Variants in UBE2Z observed in about 807,000 individuals in gnomAD.
The protein encoded by UBE2Z is ubiquitin-conjugating enzyme E2 Z.
In UBE2Z, 10 loss-of-function variants were observed where a neutral mutation model predicts 32.6. The ratio of observed to expected loss-of-function variants is 0.31; its 90% CI spans 0.19 to 0.52. The LOEUF is 0.52. UBE2Z is among the 20% of genes least tolerant of loss of function. The pLI is 0.97. For synonymous variants in UBE2Z, 183 were observed against 190.8 expected (o/e 0.96, Z 0.34); for missense variants, 343 against 480.9 (o/e 0.71, Z 2.68).
chr17:48,916,371 G>C (rs1420799400), intron 4 of UBE2Z, among the ~76,000 whole-genome samples, 184 bp downstream of exon 4: 2 of 148,202 alleles, frequency 1.3e-5, no homozygotes, highest in Non-Finnish European at 3.0e-5. Context: ...TTCTGTCTCA[G>C]CCTCCCAAGT....
chr17:48,926,329 A>T (rs1476197113), intron 6 of UBE2Z, among the ~76,000 whole-genome samples: 1 of 152,202 alleles, frequency 6.6e-6, no homozygotes, highest in Non-Finnish European at 1.5e-5. Context: ...GGCATACTTA[A>T]CAATTATAAT....
rs1235297131 is a variant in UBE2Z, at chr17:48,908,830, G to C, written c.317+10G>C. On this transcript the variant is annotated intron_variant, in intron 1 of 6. Coordinates refer to ENST00000360943, the MANE Select transcript of UBE2Z (RefSeq NM_023079.5). ...TACTCCGGATCAAGCGGTGAGCCGG[G>C]GTTTTTCCTCCCCCAGCCCCGAGCT... is the stretch of plus-strand genomic sequence containing the variant. 4.0e-6 allele frequency: 6 copies of C among 1,488,656 alleles called. No individual in the cohort carries two copies. Among genetic ancestry groups the C allele is most frequent in the Non-Finnish European group, 5.3e-6 (6 of 1,123,482 alleles). 92.2% of individuals were successfully genotyped at this position (1,488,656 alleles called of 1,614,324 possible).
intron 1 of UBE2Z, 60 bp downstream of exon 1, chr17:48,908,880 C>T (rs1267706907): frequency 9.2e-7 from 1 of 1,091,050 alleles, no homozygotes. Flanking sequence ...TCCCCGCCCC[C>T]CACCCTCTCC....
intron 5 of UBE2Z, 82 bp from the exon 6 acceptor site, chr17:48,922,765 T>TG: frequency 9.3e-7 from 1 of 1,080,306 alleles, no homozygotes; most frequent in Non-Finnish European, 1.3e-6. Context: ...AGACTCCATC[T>TG]GAAAAAAAAA....
rs772564703 is a variant in UBE2Z, at chr17:48,922,994, C to T, written c.894+57C>T. 3.4e-6 allele frequency: 5 copies of T among 1,490,020 alleles called. No individual in the cohort carries two copies. The East Asian group carries it at 9.5e-5, about 28-fold the overall frequency. The allele number at this position is 1,490,020 out of a possible 1,614,324, so 92.3% of individuals were successfully genotyped here. ...CCCTACAGCTGGCCATGTAAAAGCC[C>T]CCCACAAGCGTGGCATCGACAGCTG... On this transcript the variant is annotated intron_variant, in intron 6 of 6. Transcript: ENST00000360943.
intron 3 of UBE2Z, among the ~76,000 whole-genome samples, chr17:48,913,379 G>A (rs1238472880): frequency 6.6e-5 from 10 of 152,052 alleles, no homozygotes; most frequent in Admixed American, 5.2e-4. Context: ...GTTTTGAGAC[G>A]GAGTCTTGCT....
At chr17:48,915,912 GA>G (rs2040716079) in intron 3 of UBE2Z, 163 bp from the exon 4 acceptor site, 1 of 446,838 alleles carries the variant, frequency 2.2e-6, no homozygotes, top group Non-Finnish European at 3.9e-6. Flanking sequence ...GATTTCTGGT[GA>G]AATCAGAACA....
chr17:48,917,284 G>A lies in UBE2Z; in HGVS notation c.690+1097G>A, dbSNP rs1343898482. ...TGGGCCATTGCATTCCAGCCTGAGC[G>A]ACAGAGCGAGACACCGTCTTAAAAA... On this transcript the variant is annotated intron_variant, in intron 4 of 6. Coordinates refer to ENST00000360943, the MANE Select transcript of UBE2Z (RefSeq NM_023079.5). 4.6e-5 allele frequency among the ~76,000 whole-genome samples: 7 copies of A among 152,200 alleles called. No individual in the cohort carries two copies. In the South Asian group the frequency reaches 6.2e-4, roughly 14 times the overall value.
At chr17:48,912,105 G>T (rs1020124020) in intron 2 of UBE2Z, 20 of 148,552 alleles carry the variant, frequency 1.3e-4, no homozygotes, top group African/African-American at 5.0e-4. Flanking sequence ...TTCTGGGACT[G>T]GTCTAATGGC....
In UBE2Z at chr17:48,928,988, G is replaced by A. The variant is rs189626966; in HGVS notation, c.*1854G>A. The A allele has an allele frequency of 3.5e-4, 54 of 152,530 alleles. No individual in the cohort carries two copies. The highest frequency in any genetic ancestry group is 1.3e-3 in the African/African-American group (52 of 41,462). 9.4% of individuals were successfully genotyped at this position (152,530 alleles called of 1,614,324 possible). ...CAAAGAGATGTCTTTATATCTGACT[G>A]TATATAAATGAAGTTTTTTTGTTTT... On this transcript the variant is annotated 3_prime_UTR_variant, in exon 7 of 7. Transcript: ENST00000360943.
At chr17:48,926,938 C>G in intron 6 of UBE2Z, 26 bp from the exon 7 acceptor site, 1 of 1,601,764 alleles carries the variant, frequency 6.2e-7, no homozygotes, top group Non-Finnish European at 8.5e-7. Flanking sequence ...TTGAATCTTC[C>G]ATCCCCTTGT....
At chr17:48,923,175 G>A in intron 6 of UBE2Z, 1 of 330,336 alleles carries the variant, frequency 3.0e-6, no homozygotes, top group Non-Finnish European at 5.8e-6. Context: ...CAAAAAATTA[G>A]CCGGGCATCG....
rs1598069225 is a variant in UBE2Z at position 48,908,514 on chromosome 17, G to T, written c.11G>T (p.Ser4Ile). The change falls in exon 1 of 7, where the codon AGT becomes ATT. Residue 4 changes from serine (S) to isoleucine (I), a missense_variant. Physicochemically the swap from Ser to Ile is moderately radical, Grantham distance 142 (BLOSUM62 -2). Around this residue, in one of 4 missense-constraint regions of UBE2Z, gnomAD observed 103 missense variants for 96.2 expected, o/e 1.07. Transcript: ENST00000360943. Reference protein sequence around the residue: MAESPTEEAATAGA... With the variant: MAEIPTEEAATAGA... ...GGAAGCGAAGCAGCGATGGCGGAGAGTCCGACTGAGGAGGCGGCAACGGCG... is the reference window on the plus strand; with the variant it reads ...GGAAGCGAAGCAGCGATGGCGGAGATTCCGACTGAGGAGGCGGCAACGGCG... 1.6e-6 allele frequency: 2 copies of T among 1,235,884 alleles called. No homozygotes were observed. Among genetic ancestry groups the T allele is most frequent in the East Asian group, 6.3e-5 (2 of 31,680 alleles). 76.6% of individuals were successfully genotyped at this position (1,235,884 alleles called of 1,614,324 possible).
chr17:48,921,528 G>A (rs992118341), intron 5 of UBE2Z, among the ~76,000 whole-genome samples: 11 of 152,320 alleles, frequency 7.2e-5, no homozygotes, highest in Non-Finnish European at 1.2e-4. Flanking sequence ...AGGCTTGGAC[G>A]TACTTTTTTC....
At position 48,910,578 on chromosome 17, in the gene UBE2Z, C is replaced by A. The variant is rs1372716006; in HGVS notation, c.318-230C>A. The A allele has an allele frequency of 9.0e-6, 4 of 442,752 alleles. No individual in the cohort carries two copies. In the Admixed American group the frequency reaches 1.4e-4, roughly 15 times the overall value. The allele number at this position is 442,752 out of a possible 1,614,324, so 27.4% of individuals were successfully genotyped here. On this transcript the variant is annotated intron_variant, in intron 1 of 6. Transcript: ENST00000360943. ...TCTGATTTTTTTCCTCTCTCCCTCC[C>A]CTCCCCCTGAGGAAACAATGCCCTT... is the stretch of plus-strand genomic sequence containing the variant.
At chr17:48,911,746 C>T (rs1266014186) in intron 2 of UBE2Z, 1 of 152,100 alleles carries the variant, frequency 6.6e-6, no homozygotes, top group East Asian at 1.9e-4. Flanking sequence ...AGCCTAGTAC[C>T]TGGGGTCCCA....
At chr17:48,919,767 C>T (rs1356508522) in intron 4 of UBE2Z, among the ~76,000 whole-genome samples, 1 of 152,194 alleles carries the variant, frequency 6.6e-6, no homozygotes, top group Non-Finnish European at 1.5e-5. Context: ...CATGAGCCAT[C>T]GGGCCCAGCC....
intron 6 of UBE2Z, 77 bp from the exon 7 acceptor site, chr17:48,926,887 A>T: frequency 1.4e-6 from 2 of 1,465,604 alleles, no homozygotes; most frequent in East Asian, 4.8e-5. Flanking sequence ...TTCATTTCAC[A>T]TGGGCCCGAA....
chr17:48,913,103 A>G, intron 3 of UBE2Z, 82 bp downstream of exon 3: 1 of 1,365,072 alleles, frequency 7.3e-7, no homozygotes, highest in South Asian at 1.3e-5. Context: ...GGAGTCCCTC[A>G]TCTGAACTAC....
Sources: gnomAD v4.1 joint callset for allele counts (sites outside exome capture counted in the v4.1 genomes callset) on GRCh38, gnomAD v4.1.1 for gene constraint, gnomAD v4.1.1 regional missense constraint, MANE v1.5 for transcripts, NCBI Gene and HGNC (gene_info 2026-07-23, HGNC 2026-07-21) for gene names.